NTRK3: variants seen among roughly 807,000 people sequenced by gnomAD.
NTRK3 encodes the protein neurotrophic receptor tyrosine kinase 3, also known as NT-3 growth factor receptor.
A neutral mutation model predicts 91.7 loss-of-function variants in NTRK3; 24 were observed. That is an observed-to-expected ratio of 0.26 (90% CI 0.19 to 0.37). The LOEUF (loss-of-function observed/expected upper bound fraction) is 0.37, where lower values mean the gene tolerates loss of function less well. Among genes scored for constraint, NTRK3 ranks in the 10% least tolerant of loss-of-function variants. The pLI is 1.00. For synonymous variants in NTRK3, 483 were observed against 404.0 expected (o/e 1.20, Z -2.34); for missense variants, 880 against 1,068.9 (o/e 0.82, Z 2.46).
Position 88,184,304 on chromosome 15 carries a change from A to C in NTRK3, c.249-5T>G. ...CTGCGCCAGTTCTCTATGTGTCTGC[A>C]GGGGAGGAGGAAAGGTAACGGTCAG... On this transcript the variant is annotated splice_region_variant and splice_polypyrimidine_tract_variant and intron_variant, in intron 3 of 18. Transcript: ENST00000394480. 2 of 1,613,918 alleles carry C rather than the reference A, an allele frequency of 1.2e-6. No homozygotes were observed. Among genetic ancestry groups the C allele is most frequent in the Admixed American group, 3.3e-5 (2 of 60,012 alleles).
At chr15:88,105,609 TC>T (rs1358396943) in intron 13 of NTRK3, among the ~76,000 whole-genome samples, 1 of 152,158 alleles carries the variant, frequency 6.6e-6, no homozygotes, top group East Asian at 1.9e-4. Context: ...CTATATCTTT[TC>T]CTTGTGCTTC....
chr15:88,009,335 G>T (rs1204849820), intron 14 of NTRK3, among the ~76,000 whole-genome samples: 1 of 152,174 alleles, frequency 6.6e-6, no homozygotes, highest in Non-Finnish European at 1.5e-5. Flanking sequence ...CAAAAGCCAG[G>T]TGAGCAGTGT....
chr15:87,959,486 A>T (rs1285897569), intron 14 of NTRK3, among the ~76,000 whole-genome samples: 1 of 152,240 alleles, frequency 6.6e-6, no homozygotes, highest in African/African-American at 2.4e-5. Flanking sequence ...AAACCAAGGC[A>T]GGCGTGCTAG....
At chr15:88,173,980 A>T (rs1317990123) in intron 5 of NTRK3, among the ~76,000 whole-genome samples, 1 of 152,286 alleles carries the variant, frequency 6.6e-6, no homozygotes, top group Non-Finnish European at 1.5e-5. Flanking sequence ...ATGACATATA[A>T]AGTGCATAGA....
At chr15:87,937,612 C>T (rs994260520) in intron 15 of NTRK3, among the ~76,000 whole-genome samples, 43 of 152,156 alleles carry the variant, frequency 2.8e-4, no homozygotes, top group Non-Finnish European at 5.1e-4. Context: ...AAATATAATG[C>T]TAAATCCAAA....
At chr15:87,971,624 G>C (rs28735437) in intron 14 of NTRK3, among the ~76,000 whole-genome samples, 28,092 of 152,186 alleles carry the variant, frequency 0.18, 3,169 homozygotes, top group African/African-American at 0.31. Context: ...GCCTTTGTAG[G>C]TGCAGGGGTC....
intron 13 of NTRK3, among the ~76,000 whole-genome samples, chr15:88,124,273 C>G (rs1057211085): frequency 1.3e-5 from 2 of 152,156 alleles, no homozygotes; most frequent in Admixed American, 6.5e-5. Context: ...ACATGTTCTC[C>G]TGACCCAACC....
At chr15:88,040,145 C>T (rs2079462415) in intron 13 of NTRK3, among the ~76,000 whole-genome samples, 1 of 152,212 alleles carries the variant, frequency 6.6e-6, no homozygotes, top group Non-Finnish European at 1.5e-5. Flanking sequence ...ATAAATTTTG[C>T]TTCTAAGAGA....
At position 88,040,339 on chromosome 15, in the gene NTRK3, C is replaced by T. The variant is rs574324520; in HGVS notation, c.1397-7294G>A. Among the ~76,000 whole-genome samples, 8 of 152,306 alleles carry T rather than the reference C, an allele frequency of 5.3e-5. No homozygotes were observed. The East Asian group carries it at 1.5e-3, about 29-fold the overall frequency. Reference sequence around the variant, plus strand: ...GTCCCAAGAGAGGAGCCTGGGACAACAAGTCACCATGAGGACCTGTGGGTA... The same window carrying T: ...GTCCCAAGAGAGGAGCCTGGGACAATAAGTCACCATGAGGACCTGTGGGTA... On this transcript the variant is annotated intron_variant, in intron 13 of 18. Coordinates refer to ENST00000394480, the Ensembl canonical transcript of NTRK3.
chr15:88,225,629 A>G (rs1164032581), intron 3 of NTRK3, among the ~76,000 whole-genome samples: 1 of 152,162 alleles, frequency 6.6e-6, no homozygotes, highest in South Asian at 2.1e-4. Context: ...AGTCATCCAC[A>G]GTTCCGATTC....
At chr15:88,059,051 C>T (rs1597055166) in intron 13 of NTRK3, among the ~76,000 whole-genome samples, 1 of 80,984 alleles carries the variant, frequency 1.2e-5, no homozygotes, top group Non-Finnish European at 3.2e-5. Flanking sequence ...CACACACAAA[C>T]ACACACACAC....
At chr15:87,947,674 G>A (rs1370830656) in intron 14 of NTRK3, among the ~76,000 whole-genome samples, 2 of 152,014 alleles carry the variant, frequency 1.3e-5, no homozygotes, top group Non-Finnish European at 2.9e-5. Context: ...GAGGGAGGAG[G>A]GAGATTCTTG....
At chr15:88,139,434 C>T (rs117192453) in intron 6 of NTRK3, among the ~76,000 whole-genome samples, 1 of 151,886 alleles carries the variant, frequency 6.6e-6, no homozygotes, top group Admixed American at 6.6e-5. Context: ...CTGGAAAACT[C>T]CAAAATAGTT....
chr15:87,897,764 T>C (rs1044129207), intron 17 of NTRK3, among the ~76,000 whole-genome samples: 27 of 152,170 alleles, frequency 1.8e-4, no homozygotes, highest in African/African-American at 6.5e-4. Context: ...TTCTTTCAAA[T>C]AAGATTGACT....
chr15:88,113,528 C>T (rs1275746714), intron 13 of NTRK3, among the ~76,000 whole-genome samples: 1 of 152,078 alleles, frequency 6.6e-6, no homozygotes, highest in African/African-American at 2.4e-5. Context: ...GTTGGCCAGG[C>T]TGGTCTCAAA....
At chr15:88,192,016 C>A (rs2047441543) in intron 3 of NTRK3, among the ~76,000 whole-genome samples, 1 of 152,236 alleles carries the variant, frequency 6.6e-6, no homozygotes, top group African/African-American at 2.4e-5. Flanking sequence ...GCGCCAAGGA[C>A]CACGGTGAAC....
At chr15:88,214,948 T>C (rs1253440154) in intron 3 of NTRK3, among the ~76,000 whole-genome samples, 1 of 152,182 alleles carries the variant, frequency 6.6e-6, no homozygotes, top group Admixed American at 6.5e-5. Flanking sequence ...GGGGAACTCA[T>C]GACTTTCTGG....
At chr15:88,196,784 A>G (rs2047859455) in intron 3 of NTRK3, among the ~76,000 whole-genome samples, 1 of 152,200 alleles carries the variant, frequency 6.6e-6, no homozygotes, top group African/African-American at 2.4e-5. Flanking sequence ...CTCCATTCAC[A>G]TGACTTCAAT....
chr15:88,205,755 T>C (rs2141339570), intron 3 of NTRK3: 1 of 152,214 alleles, frequency 6.6e-6, no homozygotes, highest in Admixed American at 6.5e-5. Context: ...AAGAGAAGGC[T>C]CCTAAGGACT....
Sources: allele counts gnomAD v4.1 joint callset (sites outside exome capture counted in the v4.1 genomes callset), GRCh38; gene constraint gnomAD v4.1.1; transcripts MANE v1.5; gene names NCBI Gene and HGNC (gene_info 2026-07-23, HGNC 2026-07-21).